LIFR: variants seen among roughly 807,000 people sequenced by gnomAD.
LIFR encodes leukemia inhibitory factor receptor.
LIFR carries 84 observed loss-of-function variants against 122.2 expected under a neutral mutation model. The observed-to-expected ratio is 0.69, with a 90% CI of 0.58 to 0.82. The LOEUF is 0.82. LIFR is among the 40% of genes least tolerant of loss of function. The pLI, the probability that LIFR is intolerant of heterozygous loss-of-function variation, is 0.00. For synonymous variants in LIFR, 422 were observed against 434.7 expected (o/e 0.97, Z 0.36); for missense variants, 1,294 against 1,311.6 (o/e 0.99, Z 0.21).
rs139204765 is a variant in LIFR, at chr5:38,574,524, GTCAA to G, written c.-20+20733_-20+20736del. On this transcript the variant is annotated intron_variant, in intron 1 of 19. Coordinates refer to the LIFR transcript ENST00000263409. ...CCAGTCTTCAGCACATGGGTAGGTA[GTCAA>G]TCAATCATTGTTGAATGAATGAATT... 3.2e-3 allele frequency among the ~76,000 whole-genome samples: 494 copies of G among 152,308 alleles called. 3 individuals carry two copies. Among genetic ancestry groups the G allele is most frequent in the African/African-American group, 0.012 (480 of 41,558 alleles).
At chr5:38,589,987 C>T (rs1048190959) in intron 1 of LIFR, among the ~76,000 whole-genome samples, 6 of 152,108 alleles carry the variant, frequency 3.9e-5, no homozygotes, top group Non-Finnish European at 5.9e-5. Flanking sequence ...ACCCGGGACA[C>T]GGATCCCATT....
At chr5:38,560,934 G>T (rs1053909463), upstream of LIFR, among the ~76,000 whole-genome samples, 2 of 151,958 alleles carry the variant, frequency 1.3e-5, no homozygotes, top group Admixed American at 1.3e-4. Context: ...CTTCCAAAAG[G>T]GACTTAAGGT....
At chr5:38,519,777 T>C (rs564387551) in intron 5 of LIFR, among the ~76,000 whole-genome samples, 10 of 152,326 alleles carry the variant, frequency 6.6e-5, no homozygotes, top group African/African-American at 2.2e-4. Context: ...TCCAGTTCCA[T>C]CCTGGTTGCT....
intron 1 of LIFR, among the ~76,000 whole-genome samples, chr5:38,540,246 CT>C (rs1325865252): frequency 6.6e-6 from 1 of 152,152 alleles, no homozygotes; most frequent in Non-Finnish European, 1.5e-5. Flanking sequence ...TCATAAGAAA[CT>C]TACGGTTGTT....
At chr5:38,542,717 T>C (rs896832345) in intron 1 of LIFR, among the ~76,000 whole-genome samples, 4 of 152,116 alleles carry the variant, frequency 2.6e-5, no homozygotes, top group African/African-American at 9.7e-5. Flanking sequence ...TGTGTAAACA[T>C]GTCAGGCTCT....
At chr5:38,518,409 T>C (rs1219420884) in intron 5 of LIFR, among the ~76,000 whole-genome samples, 3 of 152,114 alleles carry the variant, frequency 2.0e-5, no homozygotes, top group Non-Finnish European at 2.9e-5. Context: ...AATCAAGGTA[T>C]ACAGTAATGT....
chr5:38,554,786 T>C (rs1037214466), intron 1 of LIFR, among the ~76,000 whole-genome samples: 2 of 152,224 alleles, frequency 1.3e-5, no homozygotes, highest in African/African-American at 4.8e-5. Context: ...TTTATATCTA[T>C]TGAATCTTCT....
At chr5:38,486,721 T>TA (rs1030031096) in intron 16 of LIFR, among the ~76,000 whole-genome samples, 1 of 152,066 alleles carries the variant, frequency 6.6e-6, no homozygotes, top group Non-Finnish European at 1.5e-5. Flanking sequence ...GTAGCAAACT[T>TA]AGAGAGATGT....
chr5:38,555,672 C>A (rs902576470), intron 1 of LIFR, among the ~76,000 whole-genome samples: 1 of 149,440 alleles, frequency 6.7e-6, no homozygotes, highest in African/African-American at 2.5e-5. Flanking sequence ...AGATACCCAA[C>A]TGCAAATAAA....
At chr5:38,493,577 CTTAA>C (rs772315244) in intron 14 of LIFR, 25 bp downstream of exon 14, 9 of 1,601,918 alleles carry the variant, frequency 5.6e-6, no homozygotes, top group Non-Finnish European at 6.8e-6. Flanking sequence ...TTTTGTAGAA[CTTAA>C]TTGAGAGACA....
At chr5:38,535,324 G>A (rs1194120219) in intron 1 of LIFR, among the ~76,000 whole-genome samples, 1 of 152,140 alleles carries the variant, frequency 6.6e-6, no homozygotes, top group African/African-American at 2.4e-5. Flanking sequence ...GTTTGTCATT[G>A]CCTCTGAGAG....
At chr5:38,509,836 C>G (rs1174644882) in intron 7 of LIFR, among the ~76,000 whole-genome samples, 1 of 152,152 alleles carries the variant, frequency 6.6e-6, no homozygotes, top group East Asian at 1.9e-4. Flanking sequence ...GCCACATGGG[C>G]AGGGCAGCCC....
At chr5:38,591,972 G>A (rs1050054707) in intron 1 of LIFR, among the ~76,000 whole-genome samples, 5 of 152,158 alleles carry the variant, frequency 3.3e-5, no homozygotes, top group Admixed American at 6.5e-5. Context: ...CAATGCCCTG[G>A]ACTGGTTGGT....
intron 1 of LIFR, among the ~76,000 whole-genome samples, chr5:38,565,070 A>AT (rs1748976805): frequency 6.6e-6 from 1 of 152,072 alleles, no homozygotes; most frequent in South Asian, 2.1e-4. Context: ...TTTCATCTTT[A>AT]TTTTGCACAG....
intron 12 of LIFR, among the ~76,000 whole-genome samples, chr5:38,498,450 C>T (rs954760349): frequency 2.0e-5 from 3 of 152,116 alleles, no homozygotes; most frequent in Admixed American, 2.0e-4. Flanking sequence ...GCCAACCTCT[C>T]CCCTGAGCTC....
At chr5:38,549,744 C>T (rs1341374499) in intron 1 of LIFR, among the ~76,000 whole-genome samples, 1 of 152,202 alleles carries the variant, frequency 6.6e-6, no homozygotes, top group Non-Finnish European at 1.5e-5. Context: ...TGAGCTGAGA[C>T]TGCGCCACTG....
chr5:38,514,546 T>C (rs1745974678), intron 5 of LIFR, among the ~76,000 whole-genome samples: 1 of 152,270 alleles, frequency 6.6e-6, no homozygotes, highest in African/African-American at 2.4e-5. Flanking sequence ...AACTTCTCAG[T>C]AATAGTAATT....
upstream of LIFR, chr5:38,557,405 A>G (rs1206594058): frequency 6.5e-6 from 1 of 154,608 alleles, no homozygotes; most frequent in Non-Finnish European, 1.5e-5. Context: ...TTAGCTGGAG[A>G]GCGTTTGATG....
chr5:38,591,831 A>G (rs1458626519), intron 1 of LIFR, among the ~76,000 whole-genome samples: 2 of 152,222 alleles, frequency 1.3e-5, no homozygotes, highest in Non-Finnish European at 2.9e-5. Flanking sequence ...CAACTTTCCT[A>G]GTTATTCCTA....
Sources: allele counts gnomAD v4.1 joint callset (sites outside exome capture counted in the v4.1 genomes callset), GRCh38; gene constraint gnomAD v4.1.1; transcripts MANE v1.5; gene names NCBI Gene and HGNC (gene_info 2026-07-23, HGNC 2026-07-21).